SEC24C: variants seen among roughly 807,000 people sequenced by gnomAD.
The protein encoded by SEC24C is protein transport protein Sec24C.
A neutral mutation model predicts 117.0 loss-of-function variants in SEC24C; 22 were observed. The observed-to-expected ratio is 0.19, with a 90% CI of 0.13 to 0.27. SEC24C has a LOEUF of 0.27. Ranked by LOEUF, SEC24C falls within the 10% of genes least tolerant of loss-of-function variation. The pLI is 1.00. For missense variants in SEC24C, 1,155 were observed against 1,375.1 expected (o/e 0.84, Z 2.53); for synonymous variants, 506 against 529.4 (o/e 0.96, Z 0.61).
At position 73,769,119 on chromosome 10, in the gene SEC24C, T is replaced by C; in HGVS notation, c.2391T>C (p.Asp797=). 2 of 1,614,132 alleles carry C rather than the reference T, an allele frequency of 1.2e-6. No homozygotes were observed. The highest frequency in any genetic ancestry group is 1.7e-6 in the Non-Finnish European group (2 of 1,180,016). ...KTVTVEFKHD[D]RLNEESGALL... The stretch of plus-strand genomic sequence containing the variant: ...TGACTGTGGAGTTCAAGCATGACGA[T>C]CGGCTCAATGAAGAGAGCGGAGCTC... Residue 797 remains aspartate, a synonymous_variant, in exon 17 of 23, where the codon GAT becomes GAC. Coordinates refer to ENST00000345254, the MANE Select transcript of SEC24C (RefSeq NM_198597.3). The surrounding 1 kb of genome is among the most constrained non-coding windows in gnomAD (Gnocchi z 4.5).
At position 73,756,316 on chromosome 10, in the gene SEC24C, T is replaced by G. The variant is rs149297916; in HGVS notation, c.309-3306T>G. On this transcript the variant is annotated intron_variant, in intron 3 of 22. Coordinates refer to ENST00000345254, the MANE Select transcript of SEC24C (RefSeq NM_198597.3). ...GAGAGTAGTTTTGGAACTGAGACATTGTTTATAAAGTCTGGACCTGGGCTG... is the reference window on the plus strand; with the variant it reads ...GAGAGTAGTTTTGGAACTGAGACATGGTTTATAAAGTCTGGACCTGGGCTG... Among the ~76,000 whole-genome samples, 324 of 152,238 alleles carry G rather than the reference T, an allele frequency of 2.1e-3. 3 individuals carry two copies. Among genetic ancestry groups the G allele is most frequent in the East Asian group, 6.6e-3 (34 of 5,180 alleles).
At chr10:73,746,172 A>G (rs941934596) in intron 1 of SEC24C, among the ~76,000 whole-genome samples, 1 of 151,886 alleles carries the variant, frequency 6.6e-6, no homozygotes, top group Admixed American at 6.6e-5. Flanking sequence ...AAAAAAAAAA[A>G]AAAAAAAAAA....
At chr10:73,755,822 T>C (rs770671467) in intron 3 of SEC24C, among the ~76,000 whole-genome samples, 35 of 152,132 alleles carry the variant, frequency 2.3e-4, no homozygotes, top group Admixed American at 7.2e-4. Context: ...TGTGAAATTC[T>C]TAAGTTTTAG....
At chr10:73,747,326 G>A (rs1038483434) in intron 2 of SEC24C, among the ~76,000 whole-genome samples, 1 of 152,068 alleles carries the variant, frequency 6.6e-6, no homozygotes. Context: ...GGGATTACAG[G>A]CATGCACCAC....
In SEC24C at chr10:73,769,323, T is replaced by A; in HGVS notation, c.2425-24T>A. On this transcript the variant is annotated intron_variant, in intron 17 of 22. Coordinates refer to ENST00000345254, the MANE Select transcript of SEC24C (RefSeq NM_198597.3). The surrounding 1 kb of genome is among the most constrained non-coding windows in gnomAD (Gnocchi z 4.5). ...GGCCTTTGTGAGGGAGGGGTGTGAGTTCCCCCTTTCTCCTTTCCCCTAGTG... is the reference window on the plus strand; with the variant it reads ...GGCCTTTGTGAGGGAGGGGTGTGAGATCCCCCTTTCTCCTTTCCCCTAGTG... 1 of 1,612,542 alleles carries A rather than the reference T, an allele frequency of 6.2e-7. No individual in the cohort carries two copies.
chr10:73,768,456 T>C (rs1490820985), intron 15 of SEC24C, among the ~76,000 whole-genome samples: 4 of 152,290 alleles, frequency 2.6e-5, no homozygotes, highest in Middle Eastern at 6.8e-3. Context: ...GTTAGGAACA[T>C]GGGCCTTGGA....
chr10:73,766,219 T>TA lies in SEC24C; in HGVS notation c.1607+10dup. 6.2e-7 allele frequency: 1 copy of TA among 1,609,556 alleles called. No individual in the cohort carries two copies. Among genetic ancestry groups the TA allele is most frequent in the East Asian group, 2.2e-5 (1 of 44,860 alleles). ...TTAGACTTTCTACCTAGGTGAGAGT[T>TA]ACAGAACTGAGGTGTTTCCTGAGGT... is the stretch of plus-strand genomic sequence containing the variant. On this transcript the variant is annotated intron_variant, in intron 11 of 22. Transcript: ENST00000345254.
chr10:73,763,103 A>G (rs1429885782), intron 6 of SEC24C, among the ~76,000 whole-genome samples: 1 of 151,722 alleles, frequency 6.6e-6, no homozygotes, highest in African/African-American at 2.4e-5. Flanking sequence ...TCTTGGGGAG[A>G]GGATCGGGGA....
chr10:73,748,058 A>G (rs2082585625), intron 2 of SEC24C, among the ~76,000 whole-genome samples: 2 of 151,652 alleles, frequency 1.3e-5, no homozygotes, highest in Non-Finnish European at 1.5e-5. Context: ...GCCTCCCAAA[A>G]TGCTGGGATT....
intron 3 of SEC24C, among the ~76,000 whole-genome samples, chr10:73,758,032 C>T (rs1465779047): frequency 1.3e-5 from 2 of 151,076 alleles, no homozygotes. Flanking sequence ...TCAGGAGTTC[C>T]GAGACCAGCC....
intron 8 of SEC24C, among the ~76,000 whole-genome samples, chr10:73,765,207 C>T (rs544199927): frequency 1.3e-5 from 2 of 152,354 alleles, no homozygotes; most frequent in Admixed American, 6.5e-5. Context: ...ATTTCCTCTT[C>T]TCTTTCAGTG....
At chr10:73,747,152 C>A in intron 2 of SEC24C, 148 bp downstream of exon 2, 1 of 576,678 alleles carries the variant, frequency 1.7e-6, no homozygotes, top group South Asian at 5.4e-5. Context: ...GCTGAGAGCC[C>A]CGTGGGCGCC....
intron 9 of SEC24C, 103 bp from the exon 10 acceptor site, chr10:73,765,697 T>C: frequency 6.4e-7 from 1 of 1,564,896 alleles, no homozygotes; most frequent in South Asian, 1.1e-5. Flanking sequence ...GCTGGGGAAG[T>C]AGGGCACATG....
At chr10:73,747,136 T>C in intron 2 of SEC24C, 132 bp downstream of exon 2, 2 of 789,396 alleles carry the variant, frequency 2.5e-6, no homozygotes, top group Non-Finnish European at 1.8e-6. Context: ...AATCTGGCCC[T>C]GTGTAGCTGA....
intron 14 of SEC24C, 108 bp from the exon 15 acceptor site, chr10:73,767,729 C>A: frequency 1.2e-6 from 1 of 840,264 alleles, no homozygotes. Context: ...GGAAGTAGAT[C>A]TGAAGTCTTC....
chr10:73,755,913 A>G (rs935826364), intron 3 of SEC24C, among the ~76,000 whole-genome samples: 1 of 150,720 alleles, frequency 6.6e-6, no homozygotes, highest in African/African-American at 2.4e-5. Context: ...GTGCAGTGGC[A>G]CGATCTCTGC....
In SEC24C at chr10:73,746,972, C is replaced by T. The variant is rs1170952583; in HGVS notation, c.140C>T (p.Pro47Leu). ...PAIPYGAYNG[P>L]VPGYQQTPPQ... ...ATTCCCTATGGAGCCTACAATGGCC[C>T]AGTACCAGGCTATCAGCAAACACCT... is the stretch of plus-strand genomic sequence containing the variant. The change falls in exon 2 of 23, where the codon CCA (proline) becomes CTA (leucine). Residue 47 changes from proline (P) to leucine (L), a missense_variant. By Grantham distance (98) the Pro-to-Leu change is moderately conservative. Coordinates refer to ENST00000345254, the MANE Select transcript of SEC24C (RefSeq NM_198597.3). 6.2e-7 allele frequency: 1 copy of T among 1,613,176 alleles called. No homozygotes were observed.
chr10:73,762,717 G>A (rs551870774), intron 6 of SEC24C, among the ~76,000 whole-genome samples: 292 of 152,282 alleles, frequency 1.9e-3, no homozygotes, highest in African/African-American at 6.8e-3. Flanking sequence ...ATGGGATAGA[G>A]TCTTATTTGC....
chr10:73,746,158 C>CAAAA (rs71021568), intron 1 of SEC24C, among the ~76,000 whole-genome samples: 89 of 92,990 alleles, frequency 9.6e-4, no homozygotes, highest in South Asian at 1.6e-3. Context: ...GACTCCGTCT[C>CAAAA]AAAAAAAAAA....
Sources: gnomAD v4.1 joint callset for allele counts (sites outside exome capture counted in the v4.1 genomes callset) on GRCh38, gnomAD v4.1.1 for gene constraint, Gnocchi (gnomAD v3.1) non-coding constraint, MANE v1.5 for transcripts, NCBI Gene and HGNC (gene_info 2026-07-23, HGNC 2026-07-21) for gene names.